Variants in TPGS1 observed in about 807,000 individuals in gnomAD.
The protein encoded by TPGS1 is tubulin polyglutamylase complex subunit 1, also known as gene trap ROSA b-geo 22.
TPGS1 carries 18 observed loss-of-function variants against 11.9 expected under a neutral mutation model. The ratio of observed to expected loss-of-function variants is 1.51; its 90% CI spans 1.04 to 2.24. The LOEUF is 2.24. TPGS1 is among the 30% of genes most tolerant of loss of function. The pLI is 0.00. For synonymous variants in TPGS1, 247 were observed against 218.2 expected (o/e 1.13, Z -1.16); for missense variants, 500 against 443.0 (o/e 1.13, Z -1.16).
intron 1 of TPGS1, among the ~76,000 whole-genome samples, chr19:511,881 G>GT (rs35486040): frequency 0.29 from 44,542 of 151,434 alleles, 7,267 homozygotes; most frequent in African/African-American, 0.43. Flanking sequence ...TTTTTTTGTT[G>GT]TTTTTTTTGA....
At position 507,835 on chromosome 19, in the gene TPGS1, ACTCCCAGAGGTGCGCAGTGGGC is replaced by A; in HGVS notation, c.331_338+14del. 7.4e-7 allele frequency: 1 copy of A among 1,342,574 alleles called. No homozygotes were observed. 83.2% of individuals were successfully genotyped at this position (1,342,574 alleles called of 1,614,324 possible). A position where few individuals can be genotyped will look rare whatever the true frequency, so the allele number is the denominator to read the frequency against. ...CTATGGCACCTTCGCCTGGCCCACC[ACTCCCAGAGGTGCGCAGTGGGC>A]CGGCTTGGGCGGGTGGGGCAGCGAT... On this transcript the variant is annotated splice_donor_variant and splice_donor_5th_base_variant and coding_sequence_variant and intron_variant, in exon 1 of 2. Transcript: ENST00000359315. LOFTEE classifies it high-confidence loss of function.
chr19:519,249 C>G lies in TPGS1; in HGVS notation c.699C>G (p.Asp233Glu). 2 of 1,218,508 alleles carry G rather than the reference C, an allele frequency of 1.6e-6. No individual in the cohort carries two copies. Among genetic ancestry groups the G allele is most frequent in the Non-Finnish European group, 2.0e-6 (2 of 980,992 alleles). 75.5% of individuals were successfully genotyped at this position (1,218,508 alleles called of 1,614,324 possible). The stretch of plus-strand genomic sequence containing the variant: ...TGGAGGGCGCGCTGCAGGCCAGCGA[C>G]GCCGCCGCGCCCGCGCGCTTCCTGG... ...DTLEGALQAS[D>E]AAAPARFLEA... is the part of the protein sequence containing the mutation. Residue 233 changes from aspartate (D) to glutamate (E), a missense_variant, in exon 2 of 2, where the codon GAC becomes GAG. Coordinates refer to ENST00000359315, the MANE Select transcript of TPGS1 (RefSeq NM_033513.3).
chr19:519,264 G>A lies in TPGS1; in HGVS notation c.714G>A (p.Ala238=), dbSNP rs1979074421. 1 of 1,201,230 alleles carries A rather than the reference G, an allele frequency of 8.3e-7. No individual in the cohort carries two copies. The highest frequency in any genetic ancestry group is 4.5e-5 in the Admixed American group (1 of 22,310). The allele number at this position is 1,201,230 out of a possible 1,614,324, so 74.4% of individuals were successfully genotyped here. ...AGGCCAGCGACGCCGCCGCGCCCGCGCGCTTCCTGGAGGCCGGCTCGCGCT... is the reference window on the plus strand; with the variant it reads ...AGGCCAGCGACGCCGCCGCGCCCGCACGCTTCCTGGAGGCCGGCTCGCGCT... ...ALQASDAAAP[A]RFLEAGSRLG... is the part of the protein sequence containing the mutation. The change falls in exon 2 of 2, where the codon GCG becomes GCA. Residue 238 remains alanine, a synonymous_variant. Coordinates refer to ENST00000359315, the MANE Select transcript of TPGS1 (RefSeq NM_033513.3).
At chr19:517,108 C>G (rs916639483) in intron 1 of TPGS1, among the ~76,000 whole-genome samples, 1 of 151,770 alleles carries the variant, frequency 6.6e-6, no homozygotes, top group East Asian at 2.0e-4. Context: ...CCCTGGAGGG[C>G]AGGTGCTCAC....
chr19:511,554 A>G (rs959477701), intron 1 of TPGS1, among the ~76,000 whole-genome samples: 1 of 152,254 alleles, frequency 6.6e-6, no homozygotes, highest in Non-Finnish European at 1.5e-5. Context: ...CACTCCGTAG[A>G]TGCACAAGGC....
rs755928568 is a variant in TPGS1 at position 507,502 on chromosome 19, C to T, written c.-5C>T. ...GTGCTTCCGGTCCCGCTGCCCTCAG[C>T]GAAGATGGCGGCAGTGGAGAAGCGG... On this transcript the variant is annotated 5_prime_UTR_variant, in exon 1 of 2. Coordinates refer to ENST00000359315, the MANE Select transcript of TPGS1 (RefSeq NM_033513.3). 3 of 1,407,494 alleles carry T rather than the reference C, an allele frequency of 2.1e-6. No homozygotes were observed. Among genetic ancestry groups the T allele is most frequent in the African/African-American group, 1.5e-5 (1 of 67,088 alleles). The allele number at this position is 1,407,494 out of a possible 1,614,324, so 87.2% of individuals were successfully genotyped here.
intron 1 of TPGS1, among the ~76,000 whole-genome samples, chr19:511,684 C>G (rs1978800495): frequency 6.6e-6 from 1 of 152,262 alleles, no homozygotes; most frequent in Non-Finnish European, 1.5e-5. Flanking sequence ...CGGAGCTGGA[C>G]CAGGGCTGCC....
In TPGS1 at chr19:519,106, C is replaced by G; in HGVS notation, c.556C>G (p.Leu186Val). 1 of 1,533,244 alleles carries G rather than the reference C, an allele frequency of 6.5e-7. No individual in the cohort carries two copies. Among genetic ancestry groups the G allele is most frequent in the Non-Finnish European group, 8.7e-7 (1 of 1,146,320 alleles). The allele number at this position is 1,533,244 out of a possible 1,614,324, so 95.0% of individuals were successfully genotyped here. A position where few individuals can be genotyped will look rare whatever the true frequency, so the allele number is the denominator to read the frequency against. The change falls in exon 2 of 2, where the codon CTC becomes GTC. Residue 186 changes from leucine to valine, a missense_variant. Transcript: ENST00000359315. ...VPLSVFRAGT[L>V]TCFVLLEFVA... is the part of the protein sequence containing the mutation. Reference sequence around the variant, plus strand: ...GCTGAGCGTCTTCCGCGCGGGCACACTCACCTGCTTCGTGCTGCTGGAGTT... The same window carrying G: ...GCTGAGCGTCTTCCGCGCGGGCACAGTCACCTGCTTCGTGCTGCTGGAGTT...
intron 1 of TPGS1, among the ~76,000 whole-genome samples, chr19:515,987 C>T (rs543122396): frequency 6.6e-6 from 1 of 150,482 alleles, no homozygotes. Context: ...AGCCGAGATC[C>T]CGCCACTGCA....
chr19:516,547 G>C (rs530770973), intron 1 of TPGS1, among the ~76,000 whole-genome samples: 1 of 152,042 alleles, frequency 6.6e-6, no homozygotes, highest in East Asian at 1.9e-4. Context: ...ACCACGTCCC[G>C]CTAATTTTTG....
In TPGS1 at chr19:507,631, T is replaced by A; in HGVS notation, c.125T>A (p.Val42Asp). ...AGCGAGGAGGACTTCCTGCGGCAGG[T>A]CGGCGTGACGGAAATGCTACGTGCG... ...AESEEDFLRQVGVTEMLRAAL... is the reference protein window; with the variant it reads ...AESEEDFLRQDGVTEMLRAAL... The change falls in exon 1 of 2, where the codon GTC becomes GAC. Residue 42 changes from valine (V) to aspartate (D), a missense_variant. By Grantham distance (152) the Val-to-Asp change is radical (BLOSUM62 -3). Transcript: ENST00000359315. 1.4e-6 allele frequency: 2 copies of A among 1,391,058 alleles called. No individual in the cohort carries two copies. Among genetic ancestry groups the A allele is most frequent in the South Asian group, 3.1e-5 (2 of 65,464 alleles). The allele number at this position is 1,391,058 out of a possible 1,614,324, so 86.2% of individuals were successfully genotyped here.
chr19:515,432 C>T (rs1470930626), intron 1 of TPGS1, among the ~76,000 whole-genome samples: 3 of 151,184 alleles, frequency 2.0e-5, no homozygotes, highest in African/African-American at 7.3e-5. Context: ...AATGCAATGT[C>T]AGCTGTGTTA....
intron 1 of TPGS1, among the ~76,000 whole-genome samples, chr19:510,848 C>T (rs2145831484): frequency 6.6e-6 from 1 of 152,354 alleles, no homozygotes; most frequent in African/African-American, 2.4e-5. Flanking sequence ...CCGACTCGTC[C>T]TCTGGGGGCC....
At chr19:516,168 T>C (rs569840888) in intron 1 of TPGS1, among the ~76,000 whole-genome samples, 1 of 152,210 alleles carries the variant, frequency 6.6e-6, no homozygotes, top group East Asian at 1.9e-4. Context: ...AGGGTCCTGG[T>C]GTTGTGGGAC....
intron 1 of TPGS1, among the ~76,000 whole-genome samples, chr19:518,285 AG>A (rs1195268227): frequency 5.9e-5 from 1 of 16,906 alleles, no homozygotes; most frequent in African/African-American, 2.8e-4. Flanking sequence ...AGCTGGGAGG[AG>A]GGGAGGTCCA....
chr19:518,747 G>A (rs1436603082), intron 1 of TPGS1, 142 bp from the exon 2 acceptor site: 5 of 876,862 alleles, frequency 5.7e-6, no homozygotes, highest in South Asian at 2.2e-5. Context: ...AGGGGAGGCC[G>A]GGGATGGGGG....
intron 1 of TPGS1, among the ~76,000 whole-genome samples, chr19:516,423 C>G (rs1442068058): frequency 6.7e-6 from 1 of 148,720 alleles, no homozygotes; most frequent in Non-Finnish European, 1.5e-5. Flanking sequence ...CTCGCTCTGT[C>G]GCCCAGGCTG....
At chr19:509,133 G>A (rs2145830446) in intron 1 of TPGS1, 1 of 152,322 alleles carries the variant, frequency 6.6e-6, no homozygotes, top group Middle Eastern at 3.4e-3. Flanking sequence ...TGAACTGGAG[G>A]GGTCCTGAAG....
chr19:515,935 G>A (rs62130841), intron 1 of TPGS1, among the ~76,000 whole-genome samples: 3,227 of 151,842 alleles, frequency 0.021, 58 homozygotes, highest in Non-Finnish European at 0.03. Context: ...GGGAGGCTGA[G>A]GCAGGAGAAT....
Sources: gnomAD v4.1 joint callset for allele counts (sites outside exome capture counted in the v4.1 genomes callset) on GRCh38, gnomAD v4.1.1 for gene constraint, MANE v1.5 for transcripts, NCBI Gene and HGNC (gene_info 2026-07-23, HGNC 2026-07-21) for gene names.